PLEKHA8: variants seen among roughly 807,000 people sequenced by gnomAD.
PLEKHA8 encodes the protein pleckstrin homology domain containing A8.
In PLEKHA8, 36 loss-of-function variants were observed where a neutral mutation model predicts 68.2. The ratio of observed to expected loss-of-function variants is 0.53; its 90% CI spans 0.40 to 0.70. The LOEUF (loss-of-function observed/expected upper bound fraction) is 0.70. Ranked by LOEUF, PLEKHA8 falls within the 30% of genes least tolerant of loss-of-function variation. The pLI, the probability that PLEKHA8 is intolerant of heterozygous loss-of-function variation, is 0.00. For synonymous variants in PLEKHA8, 211 were observed against 216.1 expected (o/e 0.98, Z 0.20); for missense variants, 505 against 615.4 (o/e 0.82, Z 1.90).
At chr7:30,051,439 A>C (rs968904354) in intron 6 of PLEKHA8, among the ~76,000 whole-genome samples, 2 of 151,524 alleles carry the variant, frequency 1.3e-5, no homozygotes, top group Non-Finnish European at 2.9e-5. Flanking sequence ...TCCTGTAGTT[A>C]CTATGTAGCT....
chr7:30,107,004 C>T (rs147381119), intron 13 of PLEKHA8, among the ~76,000 whole-genome samples: 16 of 152,156 alleles, frequency 1.1e-4, no homozygotes, highest in East Asian at 3.9e-4. Flanking sequence ...AAATTGTGTT[C>T]GCTATTCTTG....
At chr7:30,089,169 C>T (rs1055173805), downstream of PLEKHA8, among the ~76,000 whole-genome samples, 1 of 152,222 alleles carries the variant, frequency 6.6e-6, no homozygotes, top group African/African-American at 2.4e-5. Flanking sequence ...CTCCTCCATA[C>T]AGACACAAAG....
At chr7:30,097,593 A>G (rs1193850840) in intron 13 of PLEKHA8, among the ~76,000 whole-genome samples, 1 of 152,016 alleles carries the variant, frequency 6.6e-6, no homozygotes, top group Admixed American at 6.5e-5. Context: ...TCCATTGCTG[A>G]TACCCTTTCT....
chr7:30,054,351 GA>G (rs1236405611), intron 7 of PLEKHA8, among the ~76,000 whole-genome samples: 2 of 152,112 alleles, frequency 1.3e-5, no homozygotes, highest in Non-Finnish European at 2.9e-5. Context: ...AATACATATA[GA>G]ATGTGCTAAT....
intron 4 of PLEKHA8, among the ~76,000 whole-genome samples, chr7:30,048,846 G>C (rs948033849): frequency 1.3e-5 from 2 of 152,102 alleles, no homozygotes; most frequent in African/African-American, 4.8e-5. Flanking sequence ...GTGAGGGGAG[G>C]GGGAGGGAAG....
chr7:30,115,875 G>A (rs377136452), intron 13 of PLEKHA8: 1 of 104,556 alleles, frequency 9.6e-6, no homozygotes, highest in Non-Finnish European at 2.1e-5. Context: ...CATACATGTA[G>A]GCACGCATAC....
chr7:30,048,857 A>T lies in PLEKHA8; in HGVS notation c.439-367A>T, dbSNP rs185786910. On this transcript the variant is annotated intron_variant, in intron 4 of 13. Transcript: ENST00000449726. ...GACTGTGAGGGGAGGGGGAGGGAAG[A>T]TGAAGGATACCAAAAAAGCATTTCA... Among the ~76,000 whole-genome samples the T allele has an allele frequency of 3.0e-4, 45 of 152,218 alleles. No individual in the cohort carries two copies. The East Asian group carries it at 7.9e-3, about 27-fold the overall frequency.
At chr7:30,124,284 T>C (rs1796738891) in intron 13 of PLEKHA8, among the ~76,000 whole-genome samples, 1 of 152,214 alleles carries the variant, frequency 6.6e-6, no homozygotes, top group African/African-American at 2.4e-5. Flanking sequence ...CTGAAAATCT[T>C]CAAAATATTT....
At chr7:30,049,973 G>A (rs1204200188) in intron 5 of PLEKHA8, among the ~76,000 whole-genome samples, 1 of 152,088 alleles carries the variant, frequency 6.6e-6, no homozygotes, top group African/African-American at 2.4e-5. Flanking sequence ...TCACTAGATT[G>A]GTCTAAAAGC....
chr7:30,122,858 G>A (rs1796716186), intron 13 of PLEKHA8, among the ~76,000 whole-genome samples: 1 of 152,168 alleles, frequency 6.6e-6, no homozygotes, highest in Admixed American at 6.5e-5. Flanking sequence ...AAAATGATCT[G>A]GCTAGAGACA....
In PLEKHA8 at chr7:30,039,115, ATG is replaced by A. The variant is rs779800758; in HGVS notation, c.41-5967_41-5966del. 3.3e-5 allele frequency among the ~76,000 whole-genome samples: 5 copies of A among 152,348 alleles called. 1 individual carries two copies. In the East Asian group the frequency reaches 9.6e-4, roughly 29 times the overall value. On this transcript the variant is annotated intron_variant, in intron 1 of 13. Coordinates refer to ENST00000449726, the MANE Select transcript of PLEKHA8 (RefSeq NM_001197026.2). ...TTAAGTGTAGAAAGGCGTTTGCACT[ATG>A]TGAGAAAAGAATAAGCTGGTAGCAG...
At chr7:30,099,366 C>T (rs1472025693) in intron 13 of PLEKHA8, among the ~76,000 whole-genome samples, 1 of 152,200 alleles carries the variant, frequency 6.6e-6, no homozygotes, top group Non-Finnish European at 1.5e-5. Flanking sequence ...GGACATAAGA[C>T]ATACTCTTGA....
At position 30,078,986 on chromosome 7, in the gene PLEKHA8, C is replaced by T; in HGVS notation, c.*199C>T. On this transcript the variant is annotated 3_prime_UTR_variant, in exon 14 of 14. Transcript: ENST00000449726. ...TTAAAGATCAAGGTGCTATATATTT[C>T]AGTTCAGCAGGCCTACTGGAAACCA... The T allele has an allele frequency of 7.4e-7, 1 of 1,355,840 alleles. No homozygotes were observed. The highest frequency in any genetic ancestry group is 9.5e-7 in the Non-Finnish European group (1 of 1,056,782). The allele number at this position is 1,355,840 out of a possible 1,614,324, so 84.0% of individuals were successfully genotyped here. A position where few individuals can be genotyped will look rare whatever the true frequency, so the allele number is the denominator to read the frequency against.
At chr7:30,040,519 A>G (rs768351859) in intron 1 of PLEKHA8, among the ~76,000 whole-genome samples, 10 of 152,326 alleles carry the variant, frequency 6.6e-5, no homozygotes, top group Non-Finnish European at 1.5e-4. Flanking sequence ...TGGAACTATC[A>G]TTGAGGATAG....
chr7:30,106,614 C>T (rs781461729), intron 13 of PLEKHA8, among the ~76,000 whole-genome samples: 26 of 152,222 alleles, frequency 1.7e-4, no homozygotes, highest in Non-Finnish European at 3.2e-4. Flanking sequence ...GAGATTTGCC[C>T]CCTCCCCTGC....
chr7:30,100,666 G>A (rs577312234), intron 13 of PLEKHA8, among the ~76,000 whole-genome samples: 7 of 152,066 alleles, frequency 4.6e-5, no homozygotes, highest in Non-Finnish European at 1.0e-4. Context: ...CCAAGATTAA[G>A]GAACAAGGTA....
downstream of PLEKHA8, among the ~76,000 whole-genome samples, chr7:30,085,316 G>A (rs939799382): frequency 1.3e-5 from 2 of 152,142 alleles, no homozygotes; most frequent in Non-Finnish European, 2.9e-5. Flanking sequence ...CCTCTGGAAT[G>A]GCCTTGCCCT....
chr7:30,034,117 T>C (rs1317893130), intron 1 of PLEKHA8, among the ~76,000 whole-genome samples: 1 of 133,706 alleles, frequency 7.5e-6, no homozygotes, highest in African/African-American at 2.7e-5. Context: ...CAAGCAATTC[T>C]CCTGCCTCAG....
At chr7:30,053,302 C>G (rs1340085727) in intron 7 of PLEKHA8, among the ~76,000 whole-genome samples, 2 of 152,150 alleles carry the variant, frequency 1.3e-5, no homozygotes, top group African/African-American at 2.4e-5. Flanking sequence ...GTTTATCAAG[C>G]CAAAGTCCCA....
Sources: gnomAD v4.1 joint callset for allele counts (sites outside exome capture counted in the v4.1 genomes callset) on GRCh38, gnomAD v4.1.1 for gene constraint, MANE v1.5 for transcripts, NCBI Gene and HGNC (gene_info 2026-07-23, HGNC 2026-07-21) for gene names.